TAFA1: variants seen among roughly 807,000 people sequenced by gnomAD.
TAFA1 encodes chemokine-like protein TAFA-1.
A neutral mutation model predicts 18.5 loss-of-function variants in TAFA1; 4 were observed. That is an observed-to-expected ratio of 0.22 (90% CI 0.11 to 0.49). The LOEUF (loss-of-function observed/expected upper bound fraction) is 0.49. Among genes scored for constraint, TAFA1 ranks in the 20% least tolerant of loss-of-function variants. The pLI, the probability that TAFA1 is intolerant of heterozygous loss-of-function variation, is 0.98. For synonymous variants in TAFA1, 56 were observed against 55.2 expected (o/e 1.01, Z -0.06); for missense variants, 147 against 169.0 (o/e 0.87, Z 0.72).
At chr3:68,205,900 A>C (rs2066520849) in intron 2 of TAFA1, among the ~76,000 whole-genome samples, 1 of 151,878 alleles carries the variant, frequency 6.6e-6, no homozygotes, top group Non-Finnish European at 1.5e-5. Context: ...CTTTCAGGAG[A>C]TGTGCAAAAA....
chr3:68,342,486 T>C (rs2106755862), intron 2 of TAFA1, among the ~76,000 whole-genome samples: 1 of 152,372 alleles, frequency 6.6e-6, no homozygotes, highest in Admixed American at 6.5e-5. Flanking sequence ...TACGTCTTTC[T>C]CTTAACTATA....
At chr3:68,413,625 T>A (rs1159198690) in intron 2 of TAFA1, among the ~76,000 whole-genome samples, 1 of 152,140 alleles carries the variant, frequency 6.6e-6, no homozygotes, top group Non-Finnish European at 1.5e-5. Flanking sequence ...ATGTGAGACA[T>A]TGTTGAATAC....
At chr3:68,136,963 A>C (rs2065615741) in intron 2 of TAFA1, among the ~76,000 whole-genome samples, 1 of 152,182 alleles carries the variant, frequency 6.6e-6, no homozygotes, top group Non-Finnish European at 1.5e-5. Context: ...ACTCAGACCC[A>C]AAGGATTTGG....
the TAFA1 span, among the ~76,000 whole-genome samples, chr3:67,996,877 G>T: frequency 6.6e-6 from 1 of 152,074 alleles, no homozygotes; most frequent in Admixed American, 6.6e-5. Flanking sequence ...CTAATTATAT[G>T]GACATAAAAG....
rs1575638865 is a variant in TAFA1, at chr3:68,137,939, C to T, written c.118+131195C>T. Among the ~76,000 whole-genome samples the T allele has an allele frequency of 4.0e-5, 6 of 151,722 alleles. No individual in the cohort carries two copies. The Middle Eastern group carries it at 0.01, about 258-fold the overall frequency. On this transcript the variant is annotated intron_variant, in intron 2 of 4. Transcript: ENST00000478136. Reference sequence around the variant, plus strand: ...AAAGTATTTTCTTATAGCCAAATATCCCAATTCTTTGTTACCACACATGAC... The same window carrying T: ...AAAGTATTTTCTTATAGCCAAATATTCCAATTCTTTGTTACCACACATGAC...
chr3:68,315,034 G>A (rs2068584889), intron 2 of TAFA1, among the ~76,000 whole-genome samples: 1 of 151,852 alleles, frequency 6.6e-6, no homozygotes, highest in South Asian at 2.1e-4. Context: ...CTCTGTTAAA[G>A]AGAACTTCAA....
intron 2 of TAFA1, among the ~76,000 whole-genome samples, chr3:68,164,503 C>T (rs865792761): frequency 6.6e-6 from 1 of 152,240 alleles, no homozygotes; most frequent in South Asian, 2.1e-4. Flanking sequence ...TTTGTAAACT[C>T]GACAAATTTT....
chr3:68,391,745 A>G (rs1206105504), intron 2 of TAFA1, among the ~76,000 whole-genome samples: 1 of 152,186 alleles, frequency 6.6e-6, no homozygotes, highest in African/African-American at 2.4e-5. Context: ...TCAGAATTTC[A>G]TATCCAGCCA....
intron 2 of TAFA1, among the ~76,000 whole-genome samples, chr3:68,034,647 A>G (rs888507008): frequency 6.6e-6 from 1 of 152,196 alleles, no homozygotes; most frequent in Admixed American, 6.5e-5. Context: ...CAGTGAAGAA[A>G]TTGCTATTGC....
intron 2 of TAFA1, among the ~76,000 whole-genome samples, chr3:68,349,298 C>T (rs552370580): frequency 6.6e-6 from 1 of 152,070 alleles, no homozygotes; most frequent in Non-Finnish European, 1.5e-5. Flanking sequence ...AAGCAAAATG[C>T]TTTCTAATTG....
intron 2 of TAFA1, among the ~76,000 whole-genome samples, chr3:68,046,442 C>G (rs529153668): frequency 6.6e-6 from 1 of 152,286 alleles, no homozygotes; most frequent in Admixed American, 6.5e-5. Context: ...CACTCTCTCA[C>G]AGTTGTGCTG....
chr3:68,251,156 G>T (rs1021314190), intron 2 of TAFA1, among the ~76,000 whole-genome samples: 2 of 152,110 alleles, frequency 1.3e-5, no homozygotes, highest in Non-Finnish European at 2.9e-5. Context: ...ACATTCAGAA[G>T]TCTCCTCAAG....
At chr3:68,045,602 G>T (rs1379239289) in intron 2 of TAFA1, among the ~76,000 whole-genome samples, 14 of 152,028 alleles carry the variant, frequency 9.2e-5, no homozygotes, top group Non-Finnish European at 1.9e-4. Flanking sequence ...CAATGGGCTT[G>T]GTCTTGAGAC....
At chr3:68,007,866 A>T (rs181679334) in intron 2 of TAFA1, among the ~76,000 whole-genome samples, 1 of 152,246 alleles carries the variant, frequency 6.6e-6, no homozygotes, top group Non-Finnish European at 1.5e-5. Context: ...CCCTCCAGCA[A>T]TACCTTCCGG....
chr3:68,005,222 T>C (rs1704337127), intron 1 of TAFA1, among the ~76,000 whole-genome samples: 2 of 152,222 alleles, frequency 1.3e-5, no homozygotes, highest in African/African-American at 4.8e-5. Flanking sequence ...AGAATGCATG[T>C]ATGTTATCCC....
At chr3:68,290,842 A>C (rs975258401) in intron 2 of TAFA1, among the ~76,000 whole-genome samples, 1 of 152,106 alleles carries the variant, frequency 6.6e-6, no homozygotes, top group East Asian at 1.9e-4. Context: ...ACTTGTTATC[A>C]ACTGTGAATA....
At chr3:68,174,895 A>G (rs1469616103) in intron 2 of TAFA1, among the ~76,000 whole-genome samples, 1 of 152,190 alleles carries the variant, frequency 6.6e-6, no homozygotes, top group Non-Finnish European at 1.5e-5. Context: ...TCACAGGCCC[A>G]GAGGCCTAGG....
intron 2 of TAFA1, among the ~76,000 whole-genome samples, chr3:68,391,711 T>G (rs2070252848): frequency 6.6e-6 from 1 of 152,166 alleles, no homozygotes; most frequent in Admixed American, 6.5e-5. Context: ...ATATTCAACA[T>G]TCTTGAAGAA....
the TAFA1 span, among the ~76,000 whole-genome samples, chr3:67,995,180 A>G: frequency 2.0e-5 from 3 of 152,364 alleles, no homozygotes; most frequent in South Asian, 6.2e-4. Flanking sequence ...CATATCTCTT[A>G]GTTGACAACT....
Sources: gnomAD v4.1 joint callset for allele counts (sites outside exome capture counted in the v4.1 genomes callset) on GRCh38, gnomAD v4.1.1 for gene constraint, MANE v1.5 for transcripts, NCBI Gene and HGNC (gene_info 2026-07-23, HGNC 2026-07-21) for gene names.